PSTPIP2: variants seen among roughly 807,000 people sequenced by gnomAD.
The protein encoded by PSTPIP2 is proline-serine-threonine phosphatase interacting protein 2.
PSTPIP2 carries 33 observed loss-of-function variants against 63.3 expected under a neutral mutation model. The observed-to-expected ratio is 0.52, with a 90% CI of 0.40 to 0.70. The LOEUF (loss-of-function observed/expected upper bound fraction) is 0.70, where lower values mean the gene tolerates loss of function less well. PSTPIP2 is among the 30% of genes least tolerant of loss of function. The pLI is 0.00. For missense variants in PSTPIP2, 312 were observed against 400.7 expected, an observed-to-expected ratio of 0.78 and a Z score of 1.89; for synonymous variants, 125 against 132.7, an observed-to-expected ratio of 0.94 and a Z score of 0.40.
intron 1 of PSTPIP2, among the ~76,000 whole-genome samples, chr18:46,054,065 G>A (rs7227301): frequency 0.12 from 18,670 of 152,124 alleles, 1,484 homozygotes; most frequent in East Asian, 0.4. Flanking sequence ...AAACCTGTAC[G>A]GCATGTCACT....
At chr18:46,060,329 G>A (rs539216164) in intron 1 of PSTPIP2, among the ~76,000 whole-genome samples, 1 of 152,148 alleles carries the variant, frequency 6.6e-6, no homozygotes, top group South Asian at 2.1e-4. Flanking sequence ...TAATTTAACT[G>A]CAAAGAAACT....
intron 1 of PSTPIP2, among the ~76,000 whole-genome samples, chr18:46,046,246 A>G (rs1599739043): frequency 6.6e-6 from 1 of 152,174 alleles, no homozygotes; most frequent in Non-Finnish European, 1.5e-5. Flanking sequence ...CTATCCTCCT[A>G]TGGCCTCTGG....
intron 1 of PSTPIP2, among the ~76,000 whole-genome samples, chr18:46,065,144 C>CAAAA (rs35144990): frequency 3.6e-3 from 292 of 80,106 alleles, no homozygotes; most frequent in Non-Finnish European, 4.9e-3. Flanking sequence ...AACTCTGTCT[C>CAAAA]AAAAAAAAAA....
chr18:46,037,120 C>A (rs1161615388), intron 2 of PSTPIP2, among the ~76,000 whole-genome samples: 3 of 152,062 alleles, frequency 2.0e-5, no homozygotes, highest in Non-Finnish European at 4.4e-5. Context: ...CCACAAATAT[C>A]CCAGAGTTGT....
intron 1 of PSTPIP2, among the ~76,000 whole-genome samples, chr18:46,071,739 G>C (rs1286678343): frequency 6.6e-6 from 1 of 152,222 alleles, no homozygotes; most frequent in East Asian, 1.9e-4. Context: ...TCCAGGGACC[G>C]GCAGAGACTC....
chr18:46,027,723 T>A (rs942469187), intron 2 of PSTPIP2, among the ~76,000 whole-genome samples: 13 of 152,070 alleles, frequency 8.5e-5, no homozygotes, highest in African/African-American at 3.1e-4. Context: ...AAAATTGAAA[T>A]TTTAATCTGA....
rs573943729 is a variant in PSTPIP2, at chr18:46,017,747, T to G, written c.213-1810A>C. 1.6e-4 allele frequency among the ~76,000 whole-genome samples: 25 copies of G among 152,322 alleles called. 1 individual carries two copies. In the South Asian group the frequency reaches 4.3e-3, roughly 27 times the overall value. ...GCAAAGTTACATATGTATTACCTCA[T>G]GTACTTACACTTTTTGTGATGAGAA... On this transcript the variant is annotated intron_variant, in intron 3 of 14. Transcript: ENST00000409746.
intron 1 of PSTPIP2, among the ~76,000 whole-genome samples, chr18:46,043,123 T>C (rs1202652941): frequency 6.6e-6 from 1 of 150,964 alleles, no homozygotes; most frequent in Non-Finnish European, 1.5e-5. Flanking sequence ...TGGTGGCTCA[T>C]GCCTGTAATC....
rs1038676954 is a variant in PSTPIP2, at chr18:46,002,792, CA to C, written c.417+2676del. ...GCAACATTGTGAGACCCCCCCATCTCAAAAAAAGTGTCTTTGTAATTGCTTG... is the reference window on the plus strand; with the variant it reads ...GCAACATTGTGAGACCCCCCCATCTCAAAAAAGTGTCTTTGTAATTGCTTG... On this transcript the variant is annotated intron_variant, in intron 6 of 14. Transcript: ENST00000409746. 4.6e-5 allele frequency among the ~76,000 whole-genome samples: 7 copies of C among 151,910 alleles called. No individual in the cohort carries two copies. In the East Asian group the frequency reaches 1.4e-3, roughly 29 times the overall value.
At chr18:46,007,224 T>C (rs565333712) in intron 5 of PSTPIP2, among the ~76,000 whole-genome samples, 41 of 152,358 alleles carry the variant, frequency 2.7e-4, no homozygotes, top group East Asian at 2.1e-3. Flanking sequence ...TTTGAAGATA[T>C]CCGGAAGGAA....
At chr18:46,025,661 T>G (rs1907551944) in intron 2 of PSTPIP2, among the ~76,000 whole-genome samples, 1 of 150,626 alleles carries the variant, frequency 6.6e-6, no homozygotes, top group Non-Finnish European at 1.5e-5. Context: ...TCTCCTGAGT[T>G]ATTTCCAGTT....
intron 9 of PSTPIP2, among the ~76,000 whole-genome samples, chr18:45,994,175 C>CG (rs1428337225): frequency 2.0e-5 from 3 of 151,646 alleles, no homozygotes; most frequent in Admixed American, 6.6e-5. Flanking sequence ...ATTGTTTTTC[C>CG]TTAAAAAAAG....
intron 2 of PSTPIP2, among the ~76,000 whole-genome samples, chr18:46,037,664 C>A (rs1354657239): frequency 1.3e-5 from 2 of 152,174 alleles, no homozygotes. Context: ...GGAACAAACA[C>A]ACAGGCTCAA....
At chr18:45,993,158 G>A (rs968273982) in intron 10 of PSTPIP2, among the ~76,000 whole-genome samples, 4 of 152,080 alleles carry the variant, frequency 2.6e-5, no homozygotes, top group Non-Finnish European at 4.4e-5. Context: ...GCAGTGGCAC[G>A]ATCTTGGCTC....
chr18:46,005,642 C>A (rs973921883), intron 5 of PSTPIP2, 111 bp from the exon 6 acceptor site: 1 of 790,550 alleles, frequency 1.3e-6, no homozygotes, highest in Non-Finnish European at 1.9e-6. Flanking sequence ...AAAATGATTA[C>A]CCACATTTCA....
intron 9 of PSTPIP2, 38 bp downstream of exon 9, chr18:45,997,703 CCCCACCCA>C: frequency 1.6e-5 from 5 of 321,026 alleles, no homozygotes; most frequent in Non-Finnish European, 3.0e-5. Context: ...TTACACACAC[CCCCACCCA>C]CCCACCCCAG....
At chr18:46,044,705 A>C (rs1185357831) in intron 1 of PSTPIP2, among the ~76,000 whole-genome samples, 2 of 152,182 alleles carry the variant, frequency 1.3e-5, no homozygotes, top group African/African-American at 4.8e-5. Flanking sequence ...AGAAACTACC[A>C]TCAGAGTGAA....
At position 45,985,288 on chromosome 18, in the gene PSTPIP2, C is replaced by T. The variant is rs1283340399; in HGVS notation, c.*171G>A. ...TCAAAAAACTGCAGAACTCTACTTG[C>T]TTATGTTGTCCTAAATGTCTACCAT... On this transcript the variant is annotated 3_prime_UTR_variant, in exon 15 of 15. Transcript: ENST00000409746. 5.7e-6 allele frequency: 5 copies of T among 880,604 alleles called. No homozygotes were observed. Among genetic ancestry groups the T allele is most frequent in the South Asian group, 5.2e-5 (3 of 57,360 alleles). The allele number at this position is 880,604 out of a possible 1,614,324, so 54.5% of individuals were successfully genotyped here.
chr18:46,065,552 C>T lies in PSTPIP2; in HGVS notation c.33+6604G>A, dbSNP rs113689636. On this transcript the variant is annotated intron_variant, in intron 1 of 14. Coordinates refer to ENST00000409746, the MANE Select transcript of PSTPIP2 (RefSeq NM_024430.4). The stretch of plus-strand genomic sequence containing the variant: ...TGTGATCTTGGCTCACTGCAACCTC[C>T]GCCTCCCGGGTTCAAGTGATTCTCC... 9.5e-3 allele frequency among the ~76,000 whole-genome samples: 1,451 copies of T among 152,238 alleles called. 21 individuals carry two copies. The highest frequency in any genetic ancestry group is 0.032 in the African/African-American group (1,344 of 41,538).
Sources: allele counts gnomAD v4.1 joint callset (sites outside exome capture counted in the v4.1 genomes callset), GRCh38; gene constraint gnomAD v4.1.1; transcripts MANE v1.5; gene names NCBI Gene and HGNC (gene_info 2026-07-23, HGNC 2026-07-21).